SCPEP1: variants seen among roughly 807,000 people sequenced by gnomAD.
SCPEP1 encodes retinoid-inducible serine carboxypeptidase.
Under a neutral mutation model 63.8 loss-of-function variants are expected in SCPEP1, and 51 were observed. That is an observed-to-expected ratio of 0.80 (90% CI 0.64 to 1.01). SCPEP1 has a LOEUF of 1.01. Among genes scored for constraint, SCPEP1 ranks in the 50% least tolerant of loss-of-function variants. The pLI, the probability that SCPEP1 is intolerant of heterozygous loss-of-function variation, is 0.00. For synonymous variants in SCPEP1, 204 were observed against 207.8 expected (o/e 0.98, Z 0.16); for missense variants, 499 against 554.9 (o/e 0.90, Z 1.01).
Position 56,988,196 on chromosome 17 carries a change from G to A in SCPEP1, c.472-20G>A, listed in dbSNP as rs977988866. The A allele has an allele frequency of 7.2e-7, 1 of 1,380,648 alleles. No homozygotes were observed. The highest frequency in any genetic ancestry group is 1.2e-5 in the South Asian group (1 of 81,602). The allele number at this position is 1,380,648 out of a possible 1,614,324, so 85.5% of individuals were successfully genotyped here. A position where few individuals can be genotyped will look rare whatever the true frequency, so the allele number is the denominator to read the frequency against. On this transcript the variant is annotated intron_variant, in intron 4 of 12. Coordinates refer to ENST00000262288, the MANE Select transcript of SCPEP1 (RefSeq NM_021626.3). ...AAGCAATCAAGGTAGTTAATTCTGT[G>A]TAATTCCTTTTCTTGCTAGACAGTT...
chr17:57,002,180 T>C lies in SCPEP1; in HGVS notation c.1295T>C (p.Met432Thr), dbSNP rs767821539. 6.2e-7 allele frequency: 1 copy of C among 1,612,604 alleles called. No individual in the cohort carries two copies. Among genetic ancestry groups the C allele is most frequent in the Non-Finnish European group, 8.5e-7 (1 of 1,179,574 alleles). ...AFYWILKAGHMVPSDQGDMAL... is the reference protein window; with the variant it reads ...AFYWILKAGHTVPSDQGDMAL... ...TACTGGATTCTGAAAGCTGGTCATATGGTAAGAAAGAGCTTTTGTTCCAGA... is the reference window on the plus strand; with the variant it reads ...TACTGGATTCTGAAAGCTGGTCATACGGTAAGAAAGAGCTTTTGTTCCAGA... The change falls in exon 12 of 13, where the codon ATG (methionine) becomes ACG (threonine). Residue 432 changes from methionine (M) to threonine (T), a missense_variant and splice_region_variant. Met to Thr is a moderately conservative substitution (Grantham distance 81). Coordinates refer to ENST00000262288, the MANE Select transcript of SCPEP1 (RefSeq NM_021626.3).
intron 2 of SCPEP1, chr17:56,984,326 G>C (rs1034696462): frequency 2.6e-5 from 4 of 152,270 alleles, no homozygotes; most frequent in Non-Finnish European, 4.4e-5. Context: ...TCAGCTGACA[G>C]GGCCCTTCTC....
At chr17:56,982,696 G>A (rs1255846122) in intron 2 of SCPEP1, 9 of 152,062 alleles carry the variant, frequency 5.9e-5, no homozygotes, top group Admixed American at 2.0e-4. Context: ...TCTAATCTGG[G>A]AGATTTTGGT....
At chr17:56,998,555 C>G in intron 10 of SCPEP1, 57 bp downstream of exon 10, 1 of 1,333,812 alleles carries the variant, frequency 7.5e-7, no homozygotes, top group Non-Finnish European at 1.1e-6. Flanking sequence ...AAAAGAGGTG[C>G]AAATTCAGAG....
At chr17:56,998,763 G>A (rs1439907255) in intron 10 of SCPEP1, among the ~76,000 whole-genome samples, 1 of 152,022 alleles carries the variant, frequency 6.6e-6, no homozygotes, top group East Asian at 1.9e-4. Context: ...CCACAATTAA[G>A]CAACATAGTA....
chr17:56,978,385 T>C, intron 1 of SCPEP1, 150 bp downstream of exon 1: 1 of 1,107,268 alleles, frequency 9.0e-7, no homozygotes, highest in Non-Finnish European at 1.2e-6. Context: ...TCACTCTTTT[T>C]TTTTTTTTTC....
At chr17:56,989,731 G>A (rs1033741580) in intron 5 of SCPEP1, among the ~76,000 whole-genome samples, 2 of 152,220 alleles carry the variant, frequency 1.3e-5, no homozygotes, top group African/African-American at 4.8e-5. Flanking sequence ...CAGATCGCTT[G>A]AGGTTAGGAG....
At chr17:56,982,365 C>G (rs1911092782) in intron 2 of SCPEP1, among the ~76,000 whole-genome samples, 1 of 152,222 alleles carries the variant, frequency 6.6e-6, no homozygotes, top group Non-Finnish European at 1.5e-5. Flanking sequence ...TCGATGCAGA[C>G]TTTCTGGTGA....
intron 3 of SCPEP1, among the ~76,000 whole-genome samples, chr17:56,986,039 T>A (rs1042151206): frequency 6.6e-6 from 1 of 151,926 alleles, no homozygotes; most frequent in Non-Finnish European, 1.5e-5. Flanking sequence ...AGGCTGCCCA[T>A]GGGCAGAACT....
chr17:56,987,900 C>T, intron 4 of SCPEP1, 50 bp downstream of exon 4: 1 of 1,592,884 alleles, frequency 6.3e-7, no homozygotes, highest in Non-Finnish European at 8.6e-7. Flanking sequence ...AATATCAACT[C>T]TACATCCATC....
rs530251817 is a variant in SCPEP1, at chr17:56,997,225, A to G, written c.880+170A>G. 164 of 459,108 alleles carry G rather than the reference A, an allele frequency of 3.6e-4. 1 individual carries two copies. The South Asian group carries it at 8.0e-3, about 22-fold the overall frequency. 28.4% of individuals were successfully genotyped at this position (459,108 alleles called of 1,614,324 possible). A position where few individuals can be genotyped will look rare whatever the true frequency, so the allele number is the denominator to read the frequency against. ...CCAGAGTTGTGCAGTCATCACTACA[A>G]TCCAGTTATGGAGCATTTCTGTCAC... On this transcript the variant is annotated intron_variant, in intron 9 of 12. Coordinates refer to ENST00000262288, the MANE Select transcript of SCPEP1 (RefSeq NM_021626.3).
intron 12 of SCPEP1, among the ~76,000 whole-genome samples, chr17:57,004,333 C>T (rs1466400538): frequency 4.6e-5 from 7 of 152,168 alleles, no homozygotes; most frequent in Non-Finnish European, 1.0e-4. Context: ...GCTTGGGTGA[C>T]AGAGTGAGAC....
Position 56,995,020 on chromosome 17 carries a change from T to G in SCPEP1, c.657+2T>G. ...TGGGGACCTTACCTGTACAGCATGG[T>G]AAGTAGATACACATCTGCACCCTCT... On this transcript the variant is annotated splice_donor_variant, in intron 7 of 12. Transcript: ENST00000262288. LOFTEE classifies it high-confidence loss of function. The G allele has an allele frequency of 1.2e-6, 2 of 1,612,760 alleles. No individual in the cohort carries two copies. The highest frequency in any genetic ancestry group is 1.7e-6 in the Non-Finnish European group (2 of 1,178,816).
chr17:56,994,832 G>T, intron 6 of SCPEP1, 149 bp from the exon 7 acceptor site: 1 of 624,380 alleles, frequency 1.6e-6, no homozygotes, highest in Non-Finnish European at 2.9e-6. Context: ...CCTCCTGCAT[G>T]GGTACAGGTG....
rs1478725270 is a variant in SCPEP1, at chr17:56,978,172, C to G, written c.13C>G (p.Leu5Val). The G allele has an allele frequency of 1.3e-6, 2 of 1,517,258 alleles. No individual in the cohort carries two copies. The highest frequency in any genetic ancestry group is 1.8e-6 in the Non-Finnish European group (2 of 1,114,082). The allele number at this position is 1,517,258 out of a possible 1,614,324, so 94.0% of individuals were successfully genotyped here. The change falls in exon 1 of 13, where the codon CTG (leucine) becomes GTG (valine). Residue 5 changes from leucine to valine, a missense_variant. Transcript: ENST00000262288. ...TGCGGTACTTGTCATGGAGCTGGCA[C>G]TGCGGCGCTCTCCCGTCCCGCGGTG... Reference protein sequence around the residue: MELALRRSPVPRWLL... With the variant: MELAVRRSPVPRWLL...
At chr17:56,981,751 G>T (rs1293996989) in intron 2 of SCPEP1, among the ~76,000 whole-genome samples, 1 of 152,176 alleles carries the variant, frequency 6.6e-6, no homozygotes, top group Non-Finnish European at 1.5e-5. Context: ...GGACCCGGGA[G>T]GCGGAGGTAG....
At chr17:56,994,461 G>T (rs1187141884) in intron 6 of SCPEP1, among the ~76,000 whole-genome samples, 2 of 152,330 alleles carry the variant, frequency 1.3e-5, no homozygotes, top group East Asian at 3.9e-4. Context: ...TTCTCAATAT[G>T]TTTGTGGGAT....
intron 2 of SCPEP1, chr17:56,983,826 T>C (rs1462198385): frequency 2.6e-5 from 4 of 151,832 alleles, no homozygotes; most frequent in Admixed American, 2.6e-4. Flanking sequence ...GACTCTATCT[T>C]GTCTTTTTTT....
chr17:56,990,245 CAGTT>C (rs1911352405), intron 5 of SCPEP1, among the ~76,000 whole-genome samples: 2 of 152,166 alleles, frequency 1.3e-5, no homozygotes, highest in African/African-American at 4.8e-5. Flanking sequence ...TAACTGCAGT[CAGTT>C]GGTGAGTGTG....
Sources: allele counts gnomAD v4.1 joint callset (sites outside exome capture counted in the v4.1 genomes callset), GRCh38; gene constraint gnomAD v4.1.1; transcripts MANE v1.5; gene names NCBI Gene and HGNC (gene_info 2026-07-23, HGNC 2026-07-21).